The following TSPAN14 variants were observed in gnomAD, a reference collection of about 807,000 sequenced individuals.
TSPAN14 encodes tetraspanin-14.
A neutral mutation model predicts 36.6 loss-of-function variants in TSPAN14; 16 were observed. The ratio of observed to expected loss-of-function variants is 0.44; its 90% CI spans 0.30 to 0.66. TSPAN14 has a LOEUF of 0.66. Among genes scored for constraint, TSPAN14 ranks in the 30% least tolerant of loss-of-function variants. The pLI is 0.12. For missense variants in TSPAN14, 231 were observed against 355.1 expected, an observed-to-expected ratio of 0.65 and a Z score of 2.81; for synonymous variants, 139 against 143.8, an observed-to-expected ratio of 0.97 and a Z score of 0.24.
At chr10:80,467,692 G>A (rs1846318473) in intron 1 of TSPAN14, among the ~76,000 whole-genome samples, 1 of 152,100 alleles carries the variant, frequency 6.6e-6, no homozygotes, top group South Asian at 2.1e-4. Context: ...TCTTCCTCAG[G>A]TTCTTGAGGG....
chr10:80,465,650 GT>G (rs1846199308), intron 1 of TSPAN14, among the ~76,000 whole-genome samples: 1 of 152,232 alleles, frequency 6.6e-6, no homozygotes, highest in Admixed American at 6.5e-5. Context: ...GGTCTCACCT[GT>G]TTTGGGCCAC....
At chr10:80,472,223 A>G (rs1846593137) in intron 1 of TSPAN14, among the ~76,000 whole-genome samples, 1 of 152,198 alleles carries the variant, frequency 6.6e-6, no homozygotes, top group African/African-American at 2.4e-5. Flanking sequence ...GAAGGACCAC[A>G]AACTCTATGT....
chr10:80,482,613 A>G (rs935633058), intron 1 of TSPAN14, among the ~76,000 whole-genome samples: 1 of 150,914 alleles, frequency 6.6e-6, no homozygotes, highest in Admixed American at 6.6e-5. Context: ...TTAGTTGTGC[A>G]TGTGAGTGTG....
At chr10:80,464,429 G>A (rs900236382) in intron 1 of TSPAN14, among the ~76,000 whole-genome samples, 6 of 152,330 alleles carry the variant, frequency 3.9e-5, no homozygotes, top group East Asian at 1.9e-4. Context: ...AGGGACAGTC[G>A]TGAGAGCATG....
exon 9 of TSPAN14, chr10:80,521,453 T>TAA (rs1423261511): frequency 6.5e-6 from 1 of 152,894 alleles, no homozygotes; most frequent in Non-Finnish European, 1.5e-5. Context: ...TCTAGGGTCT[T>TAA]ACGGGTGTCG....
At chr10:80,489,132 T>A in intron 1 of TSPAN14, 85 bp from the exon 2 acceptor site, 1 of 872,476 alleles carries the variant, frequency 1.1e-6, no homozygotes. Flanking sequence ...GATCGGGAGC[T>A]TTCTAGAATC....
At position 80,498,295 on chromosome 10, in the gene TSPAN14, A is replaced by T. The variant is rs1848306602; in HGVS notation, c.82-6433A>T. On this transcript the variant is annotated intron_variant, in intron 2 of 8. Coordinates refer to ENST00000429989, the Ensembl canonical transcript of TSPAN14. ...GGTGTAATTTATAATGGCAAAACTC[A>T]GCCAGTGGGAGGTGCATGGGTCCTT... Among the ~76,000 whole-genome samples, 3 of 152,276 alleles carry T rather than the reference A, an allele frequency of 2.0e-5. 1 individual carries two copies. In the South Asian group the frequency reaches 6.2e-4, roughly 32 times the overall value.
At position 80,509,633 on chromosome 10, in the gene TSPAN14, C is replaced by A; in HGVS notation, c.450+162C>A. 2.7e-6 allele frequency: 2 copies of A among 734,146 alleles called. No individual in the cohort carries two copies. Among genetic ancestry groups the A allele is most frequent in the Non-Finnish European group, 4.3e-6 (2 of 465,596 alleles). The allele number at this position is 734,146 out of a possible 1,614,324, so 45.5% of individuals were successfully genotyped here. On this transcript the variant is annotated intron_variant, in intron 5 of 8. Coordinates refer to ENST00000429989, the Ensembl canonical transcript of TSPAN14. The surrounding 1 kb of genome is among the most constrained non-coding windows in gnomAD (Gnocchi z 4.7). ...CAAGCCACTCCACCTCTGGTCTGTT[C>A]CACTTTGCCGGCTTGTGGTTGCCTG...
rs76247762 is a variant in TSPAN14, at chr10:80,512,590, T to C, written c.576+321T>C. Reference sequence around the variant, plus strand: ...ATAAGGCCCGCTTATCCCTCTTCCCTGTCCTTTTTCTGGAGCAGATTCCTA... The same window carrying C: ...ATAAGGCCCGCTTATCCCTCTTCCCCGTCCTTTTTCTGGAGCAGATTCCTA... On this transcript the variant is annotated intron_variant, in intron 6 of 8. Transcript: ENST00000429989. 9.1e-3 allele frequency among the ~76,000 whole-genome samples: 1,389 copies of C among 152,348 alleles called. 23 individuals are homozygous for C. The highest frequency in any genetic ancestry group is 0.032 in the African/African-American group (1,325 of 41,572).
At chr10:80,485,467 G>C (rs1047442051) in intron 1 of TSPAN14, 9 of 202,676 alleles carry the variant, frequency 4.4e-5, no homozygotes, top group Non-Finnish European at 7.0e-5. Flanking sequence ...TTCCTCCCTT[G>C]GGGTTCTGAA....
At chr10:80,456,805 G>A (rs981773082) in intron 1 of TSPAN14, among the ~76,000 whole-genome samples, 3 of 152,104 alleles carry the variant, frequency 2.0e-5, no homozygotes, top group Admixed American at 1.3e-4. Flanking sequence ...GCTCATGCCT[G>A]TAATCCCAGC....
chr10:80,509,244 T>C lies in TSPAN14; in HGVS notation c.280-57T>C. ...GTTCTGGGTCAGGTGGGGTTATGTG[T>C]GTGGGGGTGCAGGCTGGTGGGGTGG... On this transcript the variant is annotated intron_variant, in intron 4 of 8. Coordinates refer to ENST00000429989, the Ensembl canonical transcript of TSPAN14. The surrounding 1 kb of genome is among the most constrained non-coding windows in gnomAD (Gnocchi z 4.7). 1 of 1,566,902 alleles carries C rather than the reference T, an allele frequency of 6.4e-7. No individual in the cohort carries two copies. Among genetic ancestry groups the C allele is most frequent in the South Asian group, 1.2e-5 (1 of 84,812 alleles).
intron 1 of TSPAN14, among the ~76,000 whole-genome samples, chr10:80,486,545 C>G (rs1464329315): frequency 6.6e-6 from 1 of 152,140 alleles, no homozygotes; most frequent in African/African-American, 2.4e-5. Context: ...GAGTTCTTTA[C>G]AGGGTTGGGT....
chr10:80,516,156 G>A, intron 7 of TSPAN14, 48 bp from the exon 8 acceptor site: 1 of 1,613,438 alleles, frequency 6.2e-7, no homozygotes, highest in South Asian at 1.1e-5. Flanking sequence ...ATCAGGTGGG[G>A]ACATCGTGTG....
At chr10:80,504,455 T>A (rs1840177765) in intron 2 of TSPAN14, among the ~76,000 whole-genome samples, 1 of 152,230 alleles carries the variant, frequency 6.6e-6, no homozygotes. Flanking sequence ...CAGCCTGATG[T>A]CTGTGACCCA....
chr10:80,517,132 T>C (rs1016143950), intron 8 of TSPAN14, among the ~76,000 whole-genome samples: 3 of 152,208 alleles, frequency 2.0e-5, no homozygotes, highest in Admixed American at 6.5e-5. Flanking sequence ...TGTTTGACTC[T>C]GTTTTTGCCT....
chr10:80,506,971 C>G lies in TSPAN14; in HGVS notation c.133-257C>G, dbSNP rs373176994. ...GGCACCCCACAGGCTGCAGAAGAAG[C>G]CTGGTGGCTGCCTAGGAGGAACTTG... On this transcript the variant is annotated intron_variant, in intron 3 of 8. Coordinates refer to ENST00000429989, the Ensembl canonical transcript of TSPAN14. 1.2e-4 allele frequency among the ~76,000 whole-genome samples: 19 copies of G among 152,374 alleles called. No individual in the cohort carries two copies. In the East Asian group the frequency reaches 1.9e-3, roughly 15 times the overall value.
chr10:80,502,464 G>A (rs564147434), intron 2 of TSPAN14, among the ~76,000 whole-genome samples: 19 of 152,310 alleles, frequency 1.2e-4, no homozygotes, highest in Non-Finnish European at 2.2e-4. Context: ...GGGCAGGTGG[G>A]AGCAGAGACA....
intron 7 of TSPAN14, chr10:80,515,931 AT>A: frequency 2.2e-6 from 1 of 446,352 alleles, no homozygotes. Context: ...GGGGAAGGGT[AT>A]CTTGAGAAAG....
Sources: gnomAD v4.1 joint callset for allele counts (sites outside exome capture counted in the v4.1 genomes callset) on GRCh38, gnomAD v4.1.1 for gene constraint, Gnocchi (gnomAD v3.1) non-coding constraint, MANE v1.5 for transcripts, NCBI Gene and HGNC (gene_info 2026-07-23, HGNC 2026-07-21) for gene names.